Variants in SPOCK1 observed in about 807,000 individuals in gnomAD.
SPOCK1 encodes the protein SPARC (osteonectin), cwcv and kazal like domains proteoglycan 1.
A neutral mutation model predicts 55.3 loss-of-function variants in SPOCK1; 23 were observed. That is an observed-to-expected ratio of 0.42 (90% CI 0.30 to 0.59). The LOEUF is 0.59. Ranked by LOEUF, SPOCK1 falls within the 20% of genes least tolerant of loss-of-function variation. The pLI, the probability that SPOCK1 is intolerant of heterozygous loss-of-function variation, is 0.22. For missense variants in SPOCK1, 499 were observed against 552.5 expected, an observed-to-expected ratio of 0.90 and a Z score of 0.97; for synonymous variants, 226 against 221.0, an observed-to-expected ratio of 1.02 and a Z score of -0.20.
chr5:137,468,857 A>G (rs756546592), intron 2 of SPOCK1, among the ~76,000 whole-genome samples: 2 of 152,112 alleles, frequency 1.3e-5, no homozygotes, highest in Non-Finnish European at 2.9e-5. Context: ...AAACTGAGAA[A>G]GAAGGGCCGT....
chr5:136,978,420 C>T lies in SPOCK1; in HGVS notation c.*234G>A. 2.5e-6 allele frequency: 1 copy of T among 404,788 alleles called. No individual in the cohort carries two copies. The highest frequency in any genetic ancestry group is 3.6e-5 in the East Asian group (1 of 27,646). 25.1% of individuals were successfully genotyped at this position (404,788 alleles called of 1,614,324 possible). On this transcript the variant is annotated 3_prime_UTR_variant, in exon 11 of 11. Coordinates refer to ENST00000394945, the MANE Select transcript of SPOCK1 (RefSeq NM_004598.4). ...AGGCTCTAATTAAGCCAATGACTTC[C>T]CTATCCAAAAAATAAACAACAACAA...
At chr5:137,220,073 G>T (rs1025352053) in intron 3 of SPOCK1, among the ~76,000 whole-genome samples, 3 of 152,056 alleles carry the variant, frequency 2.0e-5, no homozygotes, top group Non-Finnish European at 4.4e-5. Flanking sequence ...ATCTAGTGGG[G>T]GTCAGTTGCA....
At chr5:137,427,188 G>A (rs1752649762) in intron 2 of SPOCK1, among the ~76,000 whole-genome samples, 2 of 152,298 alleles carry the variant, frequency 1.3e-5, no homozygotes, top group South Asian at 4.2e-4. Context: ...ATGCCAAGAA[G>A]CAGAACCCTC....
intron 2 of SPOCK1, among the ~76,000 whole-genome samples, chr5:137,474,051 AG>A (rs1216123893): frequency 6.6e-6 from 1 of 152,194 alleles, no homozygotes; most frequent in Admixed American, 6.5e-5. Context: ...GAGGACACAA[AG>A]GCATAAGAAT....
intron 2 of SPOCK1, among the ~76,000 whole-genome samples, chr5:137,295,272 G>A (rs1173895283): frequency 2.0e-5 from 3 of 152,116 alleles, no homozygotes; most frequent in Admixed American, 6.5e-5. Flanking sequence ...GTCACAAATC[G>A]ACATGCCTTT....
In SPOCK1 at chr5:137,030,544, G is replaced by C. The variant is rs574917749; in HGVS notation, c.589+37171C>G. Among the ~76,000 whole-genome samples, 10 of 152,256 alleles carry C rather than the reference G, an allele frequency of 6.6e-5. No individual in the cohort carries two copies. The East Asian group carries it at 1.7e-3, about 26-fold the overall frequency. ...ACAAATTAAAATAGGAATCAATTCT[G>C]GGGGGAGGTCTAGCAACTAAGAAAC... On this transcript the variant is annotated intron_variant, in intron 6 of 10. Coordinates refer to ENST00000394945, the MANE Select transcript of SPOCK1 (RefSeq NM_004598.4).
At chr5:137,078,570 G>T (rs1161997381) in intron 5 of SPOCK1, among the ~76,000 whole-genome samples, 3 of 152,086 alleles carry the variant, frequency 2.0e-5, no homozygotes, top group Non-Finnish European at 1.5e-5. Context: ...TGACACCCAG[G>T]GCGCCACTGC....
At position 136,976,253 on chromosome 5, in the gene SPOCK1, T is replaced by C. The variant is rs1750613831; in HGVS notation, c.*2401A>G. On this transcript the variant is annotated 3_prime_UTR_variant, in exon 11 of 11. Transcript: ENST00000394945. ...GGCTCCATCGATTTGGGGGTTCCAA[T>C]CTGAGGAGGGCTTTTTATTTAATGT... 1 of 152,342 alleles carries C rather than the reference T, an allele frequency of 6.6e-6. No homozygotes were observed. Among genetic ancestry groups the C allele is most frequent in the Non-Finnish European group, 1.5e-5 (1 of 68,046 alleles). The allele number at this position is 152,342 out of a possible 1,614,324, so 9.4% of individuals were successfully genotyped here.
At chr5:137,375,816 T>G (rs539815732) in intron 2 of SPOCK1, among the ~76,000 whole-genome samples, 3 of 152,324 alleles carry the variant, frequency 2.0e-5, no homozygotes, top group Middle Eastern at 3.4e-3. Flanking sequence ...GCTCCAAGTC[T>G]GCACAGGCTA....
At chr5:137,133,825 G>C (rs1399783239) in intron 4 of SPOCK1, among the ~76,000 whole-genome samples, 1 of 152,132 alleles carries the variant, frequency 6.6e-6, no homozygotes, top group East Asian at 1.9e-4. Flanking sequence ...TTATTGCTTT[G>C]GGCACAGAAA....
At chr5:137,211,007 A>G (rs2127081602) in intron 3 of SPOCK1, among the ~76,000 whole-genome samples, 1 of 152,314 alleles carries the variant, frequency 6.6e-6, no homozygotes, top group Admixed American at 6.5e-5. Context: ...CAGCCAACAC[A>G]CCAGCAGCAG....
intron 2 of SPOCK1, among the ~76,000 whole-genome samples, chr5:137,391,950 T>C (rs945337607): frequency 5.3e-5 from 8 of 152,096 alleles, no homozygotes; most frequent in African/African-American, 1.9e-4. Flanking sequence ...CTGCCTTCTA[T>C]TGCCACAGCT....
intron 6 of SPOCK1, among the ~76,000 whole-genome samples, chr5:137,024,319 G>GGGGGGT (rs1751630176): frequency 1.3e-5 from 2 of 148,152 alleles, no homozygotes; most frequent in Admixed American, 6.7e-5. Context: ...TTTGAAGGGG[G>GGGGGGT]GGGGGTAGTT....
At chr5:137,238,308 G>A (rs1295963138) in intron 3 of SPOCK1, among the ~76,000 whole-genome samples, 1 of 152,188 alleles carries the variant, frequency 6.6e-6, no homozygotes, top group Admixed American at 6.5e-5. Context: ...AGTACTGGCT[G>A]AAATTTGCAC....
At chr5:137,437,816 C>G (rs1005675033) in intron 2 of SPOCK1, among the ~76,000 whole-genome samples, 3 of 152,152 alleles carry the variant, frequency 2.0e-5, no homozygotes, top group Non-Finnish European at 4.4e-5. Context: ...TCTAAGTCTA[C>G]AGTTTGGTAG....
At chr5:137,321,445 A>G (rs934248413) in intron 2 of SPOCK1, among the ~76,000 whole-genome samples, 3 of 152,240 alleles carry the variant, frequency 2.0e-5, no homozygotes, top group African/African-American at 7.2e-5. Flanking sequence ...CAAAGGTTAG[A>G]CAAAGAGAGA....
At chr5:137,356,836 T>TAGAGAGAGAGAGAGAGAG (rs1352078666) in intron 2 of SPOCK1, among the ~76,000 whole-genome samples, 8 of 8,776 alleles carry the variant, frequency 9.1e-4, no homozygotes, top group Admixed American at 1.4e-3. Flanking sequence ...TATATATATA[T>TAGAGAGAGAGAGAGAGAG]ATAGAGAGAG....
chr5:137,404,640 G>A (rs568274842), intron 2 of SPOCK1, among the ~76,000 whole-genome samples: 7 of 149,430 alleles, frequency 4.7e-5, no homozygotes, highest in African/African-American at 1.5e-4. Context: ...GGCTGGTCTC[G>A]AACTCCTGAC....
intron 3 of SPOCK1, among the ~76,000 whole-genome samples, chr5:137,143,572 G>A (rs914904685): frequency 2.6e-5 from 4 of 152,174 alleles, no homozygotes; most frequent in Non-Finnish European, 5.9e-5. Context: ...ACCTGCTATT[G>A]CTTGGTGGTT....
Sources: allele counts gnomAD v4.1 joint callset (sites outside exome capture counted in the v4.1 genomes callset), GRCh38; gene constraint gnomAD v4.1.1; transcripts MANE v1.5; gene names NCBI Gene and HGNC (gene_info 2026-07-23, HGNC 2026-07-21).